FDXR: variants seen among roughly 807,000 people sequenced by gnomAD.
FDXR encodes ferredoxin reductase.
FDXR carries 38 observed loss-of-function variants against 58.3 expected under a neutral mutation model. The ratio of observed to expected loss-of-function variants is 0.65; its 90% CI spans 0.50 to 0.85. The LOEUF is 0.85. Among genes scored for constraint, FDXR ranks in the 40% least tolerant of loss-of-function variants. The pLI is 0.00. For missense variants in FDXR, 624 were observed against 671.0 expected (o/e 0.93, Z 0.77); for synonymous variants, 275 against 273.8 (o/e 1.00, Z -0.04).
chr17:74,870,637 C>T (rs2038345350), intron 2 of FDXR, among the ~76,000 whole-genome samples: 1 of 152,028 alleles, frequency 6.6e-6, no homozygotes, highest in East Asian at 1.9e-4. Flanking sequence ...GCCTCTCCAG[C>T]CCCCATGTGC....
chr17:74,865,656 A>C (rs1225971534), intron 6 of FDXR, 63 bp downstream of exon 6: 1 of 1,153,210 alleles, frequency 8.7e-7, no homozygotes, highest in African/African-American at 1.5e-5. Flanking sequence ...CCCTGCAGAC[A>C]AGGGCACTCT....
Position 74,862,680 on chromosome 17 carries a change from C to A in FDXR, c.*137G>T, listed in dbSNP as rs1160054282. The stretch of plus-strand genomic sequence containing the variant: ...GACCTTCCCCAGGAGGGAGGAGAGA[C>A]GCTGGAAGAGCAGCCAAGCCTCCAA... On this transcript the variant is annotated 3_prime_UTR_variant, in exon 12 of 12. Coordinates refer to ENST00000293195, the MANE Select transcript of FDXR (RefSeq NM_024417.5). 6 of 1,220,332 alleles carry A rather than the reference C, an allele frequency of 4.9e-6. No homozygotes were observed. The highest frequency in any genetic ancestry group is 6.7e-6 in the Non-Finnish European group (6 of 895,094). The allele number at this position is 1,220,332 out of a possible 1,614,324, so 75.6% of individuals were successfully genotyped here.
In FDXR at chr17:74,865,820, G is replaced by C. The variant is rs558115348; in HGVS notation, c.508C>G (p.Leu170Val). The C allele has an allele frequency of 3.7e-5, 59 of 1,611,778 alleles. No homozygotes were observed. The highest frequency in any genetic ancestry group is 4.7e-5 in the Non-Finnish European group (55 of 1,178,840). The change falls in exon 6 of 12, where the codon CTG becomes GTG. Residue 170 changes from leucine to valine, a missense_variant and splice_region_variant. Physicochemically the swap from Leu to Val is conservative, Grantham distance 32. Coordinates refer to ENST00000293195, the MANE Select transcript of FDXR (RefSeq NM_024417.5). ...GTGTCACAGCTCAGGTCTGGCTCCA[G>C]CTGGAGGGGAAAGGTCTTGATAGGG... ...WYNGLPENQE[L>V]EPDLSCDTAV...
At chr17:74,865,853 G>T in intron 5 of FDXR, 33 bp from the exon 6 acceptor site, 1 of 1,517,422 alleles carries the variant, frequency 6.6e-7, no homozygotes, top group African/African-American at 1.4e-5. Context: ...GGGTCCCCCA[G>T]CCTCGCTCCA....
Position 74,866,780 on chromosome 17 carries a change from CCA to C in FDXR, c.270+2_270+3del. 6.2e-7 allele frequency: 1 copy of C among 1,613,974 alleles called. No individual in the cohort carries two copies. Among genetic ancestry groups the C allele is most frequent in the East Asian group, 2.2e-5 (1 of 44,866 alleles). ...CCCCAGCCTCCAGGCCCAGAGACAC[CCA>C]CCTTCACCTCGGGGTGATCAGGCGC... is the stretch of plus-strand genomic sequence containing the variant. On this transcript the variant is annotated splice_donor_variant and splice_donor_region_variant and intron_variant, in intron 3 of 11. Transcript: ENST00000293195. LOFTEE classifies it high-confidence loss of function.
Position 74,872,982 on chromosome 17 carries a change from G to A in FDXR, c.-38C>T, listed in dbSNP as rs1270441608. The A allele has an allele frequency of 6.5e-7, 1 of 1,531,704 alleles. No individual in the cohort carries two copies. The highest frequency in any genetic ancestry group is 2.5e-5 in the East Asian group (1 of 40,608). 94.9% of individuals were successfully genotyped at this position (1,531,704 alleles called of 1,614,324 possible). On this transcript the variant is annotated 5_prime_UTR_variant, in exon 1 of 12. Coordinates refer to ENST00000293195, the MANE Select transcript of FDXR (RefSeq NM_024417.5). ...CAACCTGCAAGTGGATCTGTTCCTA[G>A]CTACTGCTCCGCAGGGCAAGCCCGC... is the stretch of plus-strand genomic sequence containing the variant.
At chr17:74,868,216 G>C in intron 2 of FDXR, 1 of 357,084 alleles carries the variant, frequency 2.8e-6, no homozygotes, top group East Asian at 5.1e-5. Flanking sequence ...CAAGCCCCAC[G>C]ATGTTGTACC....
chr17:74,864,760 C>A (rs1035765959), intron 7 of FDXR, 64 bp downstream of exon 7: 4 of 1,606,800 alleles, frequency 2.5e-6, no homozygotes, highest in Non-Finnish European at 3.4e-6. Context: ...TGCCCCACCC[C>A]AACCCCTTAA....
At chr17:74,864,378 T>C in intron 8 of FDXR, 31 bp from the exon 9 acceptor site, 2 of 1,589,226 alleles carry the variant, frequency 1.3e-6, no homozygotes, top group Non-Finnish European at 1.7e-6. Context: ...CTCCAGGCTG[T>C]CCCTGGGCCC....
rs753323215 is a variant in FDXR, at chr17:74,864,812, TG to T, written c.717+11del. The T allele has an allele frequency of 3.1e-6, 5 of 1,613,710 alleles. No individual in the cohort carries two copies. The highest frequency in any genetic ancestry group is 4.2e-6 in the Non-Finnish European group (5 of 1,179,848). On this transcript the variant is annotated intron_variant, in intron 7 of 11. Transcript: ENST00000293195. The stretch of plus-strand genomic sequence containing the variant: ...CCTGGAACCCTGGCTCCTCCCACTC[TG>T]GCCCCAGCACCTTAATGGTGAAGGC...
Position 74,872,139 on chromosome 17 carries a change from G to C in FDXR, c.80-6C>G. 1 of 1,604,654 alleles carries C rather than the reference G, an allele frequency of 6.2e-7. No individual in the cohort carries two copies. The highest frequency in any genetic ancestry group is 8.5e-7 in the Non-Finnish European group (1 of 1,174,878). ...GGAGAAATGGTGGCAGAAGCCTGGG[G>C]CCAGGCAGAGGAGAGGGAAAAGGTC... On this transcript the variant is annotated splice_region_variant and splice_polypyrimidine_tract_variant and intron_variant, in intron 1 of 11. Coordinates refer to ENST00000293195, the MANE Select transcript of FDXR (RefSeq NM_024417.5).
intron 6 of FDXR, 60 bp downstream of exon 6, chr17:74,865,659 G>T: frequency 8.5e-7 from 1 of 1,177,174 alleles, no homozygotes. Context: ...TGCAGACAAG[G>T]GCACTCTCTC....
At chr17:74,869,254 T>G (rs2038293960) in intron 2 of FDXR, among the ~76,000 whole-genome samples, 1 of 152,184 alleles carries the variant, frequency 6.6e-6, no homozygotes, top group African/African-American at 2.4e-5. Context: ...TGTTTAACAT[T>G]GCTGACTCTT....
chr17:74,872,363 C>T, intron 1 of FDXR: 1 of 1,204,078 alleles, frequency 8.3e-7, no homozygotes, highest in South Asian at 1.4e-5. Context: ...ACCTACTACA[C>T]CACTGCCAAT....
chr17:74,865,105 C>G (rs1199547588), intron 6 of FDXR, among the ~76,000 whole-genome samples, 174 bp from the exon 7 acceptor site: 1 of 152,154 alleles, frequency 6.6e-6, no homozygotes, highest in African/African-American at 2.4e-5. Context: ...ATGGCTCCAA[C>G]TAATAGCACA....
At chr17:74,863,705 CA>C (rs2038057062) in intron 10 of FDXR, among the ~76,000 whole-genome samples, 190 bp downstream of exon 10, 2 of 152,220 alleles carry the variant, frequency 1.3e-5, no homozygotes, top group South Asian at 2.1e-4. Flanking sequence ...CGACGTATGT[CA>C]CATATGTCCT....
Position 74,863,983 on chromosome 17 carries a change from T to C in FDXR, c.1087A>G (p.Lys363Glu). 6.2e-7 allele frequency: 1 copy of C among 1,614,036 alleles called. No individual in the cohort carries two copies. The highest frequency in any genetic ancestry group is 8.5e-7 in the Non-Finnish European group (1 of 1,180,006). Residue 363 changes from lysine (K) to glutamate (E), a missense_variant, in exon 10 of 12, where the codon AAG (lysine) becomes GAG (glutamate). Physicochemically the swap from Lys to Glu is moderately conservative, Grantham distance 56. Coordinates refer to ENST00000293195, the MANE Select transcript of FDXR (RefSeq NM_024417.5). The stretch of plus-strand genomic sequence containing the variant: ...ACGCTTGGGTCGACAGGGCGGCTCT[T>C]ATACCCAATGCTGCTGAGCACCAGC... ...CGLVLSSIGY[K>E]SRPVDPSVPF... is the part of the protein sequence containing the mutation.
At position 74,862,749 on chromosome 17, in the gene FDXR, G is replaced by A. The variant is rs1278741348; in HGVS notation, c.*68C>T. 2.0e-6 allele frequency: 3 copies of A among 1,536,568 alleles called. No individual in the cohort carries two copies. The highest frequency in any genetic ancestry group is 3.7e-5 in the Admixed American group (2 of 53,352). Reference sequence around the variant, plus strand: ...CAGCAGAGGTGCAAAGTCCCACTCAGACGGACCCAGCCCTTCCCCTCCCAA... The same window carrying A: ...CAGCAGAGGTGCAAAGTCCCACTCAAACGGACCCAGCCCTTCCCCTCCCAA... On this transcript the variant is annotated 3_prime_UTR_variant, in exon 12 of 12. Transcript: ENST00000293195.
chr17:74,868,495 C>T, intron 2 of FDXR: 1 of 1,253,600 alleles, frequency 8.0e-7, no homozygotes, highest in Non-Finnish European at 1.1e-6. Flanking sequence ...AGTGCCACAG[C>T]ATAAAGTTCA....
Sources: allele counts gnomAD v4.1 joint callset (sites outside exome capture counted in the v4.1 genomes callset), GRCh38; gene constraint gnomAD v4.1.1; transcripts MANE v1.5; gene names NCBI Gene and HGNC (gene_info 2026-07-23, HGNC 2026-07-21).